RARA: variants seen among roughly 807,000 people sequenced by gnomAD.
RARA encodes the protein retinoic acid receptor alpha.
A neutral mutation model predicts 42.8 loss-of-function variants in RARA; 5 were observed. That is an observed-to-expected ratio of 0.12 (90% CI 0.06 to 0.25). The LOEUF (loss-of-function observed/expected upper bound fraction) is 0.25, where lower values mean the gene tolerates loss of function less well. RARA is among the 10% of genes least tolerant of loss of function. The probability of loss-of-function intolerance (pLI) is 1.00; values close to 1 mark genes in which losing one functional copy is unlikely to be tolerated. For synonymous variants in RARA, 256 were observed against 259.5 expected (o/e 0.99, Z 0.13); for missense variants, 402 against 628.7 (o/e 0.64, Z 3.86).
chr17:40,350,171 T>C, intron 4 of RARA: 1 of 530,418 alleles, frequency 1.9e-6, no homozygotes, highest in Non-Finnish European at 3.3e-6. Flanking sequence ...TTCCTGTTTC[T>C]GCACGTCTGG....
chr17:40,336,994 G>A (rs950556450), intron 2 of RARA, among the ~76,000 whole-genome samples: 4 of 152,244 alleles, frequency 2.6e-5, no homozygotes, highest in South Asian at 2.1e-4. Context: ...CACTGTGCCT[G>A]GCCGTGACCC....
chr17:40,352,317 C>T lies in RARA; in HGVS notation c.631-14C>T, dbSNP rs1333583898. ...CCATGGAGAAGAAGGCCCTCACTCT[C>T]CCTCCTCCCCCAGAACAACAGCTCA... On this transcript the variant is annotated splice_polypyrimidine_tract_variant and intron_variant, in intron 5 of 8. Coordinates refer to ENST00000254066, the MANE Select transcript of RARA (RefSeq NM_000964.4). This position sits in a 1 kb window ranked among gnomAD's most constrained non-coding sequence, Gnocchi z 4.9. 3.8e-6 allele frequency: 6 copies of T among 1,585,560 alleles called. No homozygotes were observed. The highest frequency in any genetic ancestry group is 1.7e-4 in the Middle Eastern group (1 of 5,962).
In RARA at chr17:40,351,431, C is replaced by T. The variant is rs2143490804; in HGVS notation, c.470-479C>T. ...GCCAAGAGATTCTCCCCGCCAGGTC[C>T]CCCACTCTCAGGCTGGGGAGCCCTA... is the stretch of plus-strand genomic sequence containing the variant. On this transcript the variant is annotated intron_variant, in intron 4 of 8. Transcript: ENST00000254066. The surrounding 1 kb of genome is among the most constrained non-coding windows in gnomAD (Gnocchi z 4.1). The T allele has an allele frequency of 2.1e-6, 1 of 466,230 alleles. No homozygotes were observed. The highest frequency in any genetic ancestry group is 4.5e-6 in the Non-Finnish European group (1 of 224,418). 28.9% of individuals were successfully genotyped at this position (466,230 alleles called of 1,614,324 possible). A position where few individuals can be genotyped will look rare whatever the true frequency, so the allele number is the denominator to read the frequency against.
At chr17:40,310,388 G>C (rs1598523827) in intron 1 of RARA, among the ~76,000 whole-genome samples, 1 of 151,688 alleles carries the variant, frequency 6.6e-6, no homozygotes, top group Admixed American at 6.6e-5. Flanking sequence ...TCTGGGGGTA[G>C]TAGACTGGGG....
intron 2 of RARA, chr17:40,341,373 G>A (rs937185467): frequency 3.7e-5 from 53 of 1,448,084 alleles, no homozygotes; most frequent in Non-Finnish European, 3.7e-6. Flanking sequence ...GTCGGGTTCC[G>A]GCGGCCGGAG....
chr17:40,341,929 C>T lies in RARA; in HGVS notation c.179-6387C>T, dbSNP rs369247773. On this transcript the variant is annotated intron_variant, in intron 2 of 8. Transcript: ENST00000254066. Reference sequence around the variant, plus strand: ...GTCCCTCTGTACTCTGTGTACTCCTCATCTGGAGCCTTTCCCCCTTCCTGC... The same window carrying T: ...GTCCCTCTGTACTCTGTGTACTCCTTATCTGGAGCCTTTCCCCCTTCCTGC... The T allele has an allele frequency of 9.8e-6, 11 of 1,126,972 alleles. No individual in the cohort carries two copies. In the African/African-American group the frequency reaches 1.8e-4, roughly 18 times the overall value. The allele number at this position is 1,126,972 out of a possible 1,614,324, so 69.8% of individuals were successfully genotyped here. A position where few individuals can be genotyped will look rare whatever the true frequency, so the allele number is the denominator to read the frequency against.
chr17:40,338,728 G>T (rs1231621917), intron 2 of RARA, among the ~76,000 whole-genome samples: 1 of 118,792 alleles, frequency 8.4e-6, no homozygotes. Flanking sequence ...AAAAAAAAAA[G>T]CGTGGGCACG....
At chr17:40,339,458 GCCTT>G (rs1357425198) in intron 2 of RARA, among the ~76,000 whole-genome samples, 2 of 152,172 alleles carry the variant, frequency 1.3e-5, no homozygotes, top group African/African-American at 2.4e-5. Context: ...GCGGGCCAGA[GCCTT>G]CCTTGTTTCC....
Position 40,352,581 on chromosome 17 carries a change from C to T in RARA, c.807+74C>T, listed in dbSNP as rs1323789920. Reference sequence around the variant, plus strand: ...AGATGTCCTTCCAGCCAGACAGCCACCCTCCTAAATGTCTGTCTGCAATCA... The same window carrying T: ...AGATGTCCTTCCAGCCAGACAGCCATCCTCCTAAATGTCTGTCTGCAATCA... On this transcript the variant is annotated intron_variant, in intron 6 of 8. Transcript: ENST00000254066. The surrounding 1 kb of genome is among the most constrained non-coding windows in gnomAD (Gnocchi z 4.9). 2.2e-6 allele frequency: 3 copies of T among 1,343,434 alleles called. No individual in the cohort carries two copies. The highest frequency in any genetic ancestry group is 5.1e-5 in the Admixed American group (2 of 39,122). The allele number at this position is 1,343,434 out of a possible 1,614,324, so 83.2% of individuals were successfully genotyped here.
At chr17:40,324,200 C>T (rs1422077204) in intron 1 of RARA, among the ~76,000 whole-genome samples, 1 of 152,080 alleles carries the variant, frequency 6.6e-6, no homozygotes, top group African/African-American at 2.4e-5. Flanking sequence ...TGTCTGTGCC[C>T]CTTTGGTCCC....
chr17:40,319,194 A>G (rs1406100163), intron 1 of RARA, among the ~76,000 whole-genome samples: 1 of 152,082 alleles, frequency 6.6e-6, no homozygotes, highest in Non-Finnish European at 1.5e-5. Context: ...CGGCTGGGAA[A>G]TGAGCTTGGC....
intron 1 of RARA, among the ~76,000 whole-genome samples, chr17:40,311,751 C>T (rs1368029734): frequency 1.3e-5 from 2 of 152,162 alleles, no homozygotes; most frequent in Non-Finnish European, 2.9e-5. Context: ...TAGCTGGTTT[C>T]CTTCCTCCTT....
At chr17:40,310,310 G>C (rs1392310022) in intron 1 of RARA, among the ~76,000 whole-genome samples, 1 of 151,944 alleles carries the variant, frequency 6.6e-6, no homozygotes, top group East Asian at 1.9e-4. Flanking sequence ...GTGTCATTCT[G>C]GTTTGGTGGG....
At position 40,352,590 on chromosome 17, in the gene RARA, A is replaced by C. The variant is rs2034491187; in HGVS notation, c.807+83A>C. On this transcript the variant is annotated intron_variant, in intron 6 of 8. Transcript: ENST00000254066. The surrounding 1 kb of genome is among the most constrained non-coding windows in gnomAD (Gnocchi z 4.9). Reference sequence around the variant, plus strand: ...TCCAGCCAGACAGCCACCCTCCTAAATGTCTGTCTGCAATCAACCTGTCCA... The same window carrying C: ...TCCAGCCAGACAGCCACCCTCCTAACTGTCTGTCTGCAATCAACCTGTCCA... 6 of 1,275,588 alleles carry C rather than the reference A, an allele frequency of 4.7e-6. No homozygotes were observed. The highest frequency in any genetic ancestry group is 2.7e-5 in the Admixed American group (1 of 37,264). The allele number at this position is 1,275,588 out of a possible 1,614,324, so 79.0% of individuals were successfully genotyped here.
In RARA at chr17:40,342,710, C is replaced by T. The variant is rs766412651; in HGVS notation, c.179-5606C>T. 6.2e-6 allele frequency: 10 copies of T among 1,611,158 alleles called. No homozygotes were observed. In the East Asian group the frequency reaches 2.0e-4, roughly 32 times the overall value. On this transcript the variant is annotated intron_variant, in intron 2 of 8. Coordinates refer to ENST00000254066, the MANE Select transcript of RARA (RefSeq NM_000964.4). ...TCTTGCCTTCGAGGGGAAAGATGTA[C>T]GAGAGTGTAGAAGTGGGGGGTCCCA...
intron 2 of RARA, among the ~76,000 whole-genome samples, chr17:40,343,529 T>C (rs2143408066): frequency 6.6e-6 from 1 of 152,274 alleles, no homozygotes; most frequent in East Asian, 1.9e-4. Context: ...GCTGTCATCT[T>C]TGAGGCTTTC....
At chr17:40,309,934 A>G (rs1003630785) in intron 1 of RARA, among the ~76,000 whole-genome samples, 4 of 152,014 alleles carry the variant, frequency 2.6e-5, no homozygotes, top group African/African-American at 9.7e-5. Context: ...CCCCGACCCC[A>G]CCTGTGTGTG....
At chr17:40,339,076 C>T (rs985915762) in intron 2 of RARA, among the ~76,000 whole-genome samples, 8 of 152,164 alleles carry the variant, frequency 5.3e-5, no homozygotes, top group East Asian at 3.8e-4. Context: ...CTTGGCTGGG[C>T]GAGTTGCCGT....
At chr17:40,334,161 A>G (rs1054262307) in intron 2 of RARA, among the ~76,000 whole-genome samples, 9 of 152,128 alleles carry the variant, frequency 5.9e-5, no homozygotes, top group African/African-American at 4.8e-5. Context: ...CAATGTTGCA[A>G]GCTTCTTCCT....
Sources: gnomAD v4.1 joint callset for allele counts (sites outside exome capture counted in the v4.1 genomes callset) on GRCh38, gnomAD v4.1.1 for gene constraint, Gnocchi (gnomAD v3.1) non-coding constraint, MANE v1.5 for transcripts, NCBI Gene and HGNC (gene_info 2026-07-23, HGNC 2026-07-21) for gene names.